Variants in SHISA9 observed in about 807,000 individuals in gnomAD.
SHISA9 encodes shisa family member 9.
Under a neutral mutation model 38.0 loss-of-function variants are expected in SHISA9, and 13 were observed. That is an observed-to-expected ratio of 0.34 (90% CI 0.22 to 0.54). The LOEUF (loss-of-function observed/expected upper bound fraction) is 0.54, where lower values mean the gene tolerates loss of function less well. Among genes scored for constraint, SHISA9 ranks in the 20% least tolerant of loss-of-function variants. The pLI is 0.91. For missense variants in SHISA9, 538 were observed against 575.8 expected, an observed-to-expected ratio of 0.93 and a Z score of 0.67; for synonymous variants, 275 against 242.0, an observed-to-expected ratio of 1.14 and a Z score of -1.27.
the SHISA9 span, among the ~76,000 whole-genome samples, chr16:13,559,458 G>A: frequency 6.6e-6 from 1 of 151,166 alleles, no homozygotes; most frequent in Non-Finnish European, 1.5e-5. Context: ...GCTCATTGCA[G>A]CCTCAAACTC....
chr16:13,305,656 C>T, the SHISA9 span, among the ~76,000 whole-genome samples: 1 of 152,194 alleles, frequency 6.6e-6, no homozygotes, highest in African/African-American at 2.4e-5. Flanking sequence ...AGGCATTAAC[C>T]TGGAAGTGGA....
At chr16:13,060,936 C>G (rs1318632844) in intron 2 of SHISA9, among the ~76,000 whole-genome samples, 1 of 152,126 alleles carries the variant, frequency 6.6e-6, no homozygotes, top group South Asian at 2.1e-4. Context: ...AGACTGAGGG[C>G]CGCATGGGGT....
At chr16:13,530,091 GA>G in the SHISA9 span, among the ~76,000 whole-genome samples, 1 of 152,204 alleles carries the variant, frequency 6.6e-6, no homozygotes, top group Admixed American at 6.5e-5. Context: ...TTGAGGTCAG[GA>G]GTTCGAGGCC....
chr16:12,966,718 C>T (rs1443788768), intron 2 of SHISA9, among the ~76,000 whole-genome samples: 1 of 152,206 alleles, frequency 6.6e-6, no homozygotes, highest in Non-Finnish European at 1.5e-5. Context: ...ATTTCCAGCA[C>T]AGTGCCTGGC....
At chr16:13,294,981 A>G in the SHISA9 span, among the ~76,000 whole-genome samples, 10 of 152,112 alleles carry the variant, frequency 6.6e-5, no homozygotes, top group Admixed American at 6.6e-4. Context: ...CCCTTACAAT[A>G]TGCTTTTGTG....
At chr16:13,396,948 C>T in the SHISA9 span, among the ~76,000 whole-genome samples, 4 of 152,030 alleles carry the variant, frequency 2.6e-5, no homozygotes, top group Non-Finnish European at 5.9e-5. Context: ...GATTTTCTTC[C>T]ACCCCTGCCA....
the SHISA9 span, among the ~76,000 whole-genome samples, chr16:13,547,803 A>G: frequency 5.9e-5 from 9 of 152,188 alleles, no homozygotes; most frequent in African/African-American, 1.9e-4. Flanking sequence ...CTAAAGTGAT[A>G]AACAGATTTA....
At chr16:13,118,752 A>T (rs1388495278) in intron 2 of SHISA9, among the ~76,000 whole-genome samples, 5 of 136,684 alleles carry the variant, frequency 3.7e-5, no homozygotes, top group African/African-American at 1.1e-4. Flanking sequence ...TTTTTGAGAC[A>T]GAGTTTCACT....
the SHISA9 span, among the ~76,000 whole-genome samples, chr16:13,433,999 G>A: frequency 2.6e-5 from 4 of 152,166 alleles, no homozygotes; most frequent in African/African-American, 2.4e-5. Context: ...ATAATAAGCC[G>A]TCTGCAAAGC....
chr16:13,256,372 C>T, the SHISA9 span, among the ~76,000 whole-genome samples: 3 of 152,202 alleles, frequency 2.0e-5, no homozygotes, highest in African/African-American at 7.2e-5. Context: ...ACCTCTGCCT[C>T]CCAGGTTCAA....
the SHISA9 span, among the ~76,000 whole-genome samples, chr16:13,537,738 C>T: frequency 1.3e-5 from 2 of 152,054 alleles, no homozygotes; most frequent in Non-Finnish European, 2.9e-5. Context: ...ATGCATTGTA[C>T]CATATGTAAA....
intron 3 of SHISA9, among the ~76,000 whole-genome samples, chr16:13,206,549 G>A (rs923386555): frequency 2.6e-5 from 4 of 152,136 alleles, no homozygotes; most frequent in African/African-American, 9.7e-5. Context: ...CACTTCCTAG[G>A]TGCTTAGCCA....
chr16:13,297,561 G>A, the SHISA9 span, among the ~76,000 whole-genome samples: 5 of 152,146 alleles, frequency 3.3e-5, no homozygotes, highest in Non-Finnish European at 7.4e-5. Context: ...CATATATTTA[G>A]GAGAAGGGAT....
chr16:12,946,765 C>T (rs2071693474), intron 2 of SHISA9, among the ~76,000 whole-genome samples: 1 of 152,254 alleles, frequency 6.6e-6, no homozygotes, highest in African/African-American at 2.4e-5. Context: ...CATTAGCAAC[C>T]AACATTCTCA....
intron 2 of SHISA9, among the ~76,000 whole-genome samples, chr16:12,975,020 T>G (rs1359266858): frequency 2.6e-5 from 4 of 152,178 alleles, no homozygotes; most frequent in African/African-American, 7.2e-5. Context: ...ATATTTTAAT[T>G]AATTGATTAA....
chr16:13,484,470 A>G, the SHISA9 span, among the ~76,000 whole-genome samples: 1 of 152,124 alleles, frequency 6.6e-6, no homozygotes. Flanking sequence ...CTTCCTCTCA[A>G]GTAGCTCCAA....
chr16:13,127,599 A>G (rs2141984243), intron 2 of SHISA9, among the ~76,000 whole-genome samples: 1 of 152,268 alleles, frequency 6.6e-6, no homozygotes, highest in Middle Eastern at 3.4e-3. Flanking sequence ...GCAGCTTGAC[A>G]GGTCAGCTCC....
intron 2 of SHISA9, among the ~76,000 whole-genome samples, chr16:13,067,215 C>G (rs1249423990): frequency 6.6e-6 from 1 of 152,148 alleles, no homozygotes; most frequent in Non-Finnish European, 1.5e-5. Context: ...GGATCTGGTC[C>G]TGATGCAGGA....
At chr16:13,159,515 C>T (rs140732060) in intron 2 of SHISA9, among the ~76,000 whole-genome samples, 40 of 152,310 alleles carry the variant, frequency 2.6e-4, no homozygotes, top group East Asian at 7.7e-4. Context: ...GGAGTAGTCT[C>T]GCTCTTTTGC....
Sources: allele counts gnomAD v4.1 joint callset (sites outside exome capture counted in the v4.1 genomes callset), GRCh38; gene constraint gnomAD v4.1.1; transcripts MANE v1.5; gene names NCBI Gene and HGNC (gene_info 2026-07-23, HGNC 2026-07-21).